Variants in CRTAC1 observed in about 807,000 individuals in gnomAD.
The protein encoded by CRTAC1 is cartilage acidic protein 1, also known as acidic secreted protein in cartilage.
A neutral mutation model predicts 67.8 loss-of-function variants in CRTAC1; 37 were observed. The observed-to-expected ratio is 0.55, with a 90% confidence interval of 0.42 to 0.72. The LOEUF is 0.72. Ranked by LOEUF, CRTAC1 falls within the 30% of genes least tolerant of loss-of-function variation. The probability of loss-of-function intolerance (pLI) is 0.00; values close to 1 mark genes in which losing one functional copy is unlikely to be tolerated. For missense variants in CRTAC1, 780 were observed against 931.6 expected (o/e 0.84, Z 2.12); for synonymous variants, 348 against 371.0 (o/e 0.94, Z 0.71).
chr10:97,920,551 G>T (rs1030886218), intron 4 of CRTAC1, among the ~76,000 whole-genome samples: 2 of 152,108 alleles, frequency 1.3e-5, no homozygotes, highest in Non-Finnish European at 2.9e-5. Flanking sequence ...TGACCAACAG[G>T]TCTGGCGTGA....
chr10:97,875,592 C>T (rs2050138059), intron 14 of CRTAC1, among the ~76,000 whole-genome samples: 2 of 152,184 alleles, frequency 1.3e-5, no homozygotes, highest in South Asian at 4.1e-4. Context: ...GTTCTGGCCT[C>T]AGAGAAGACT....
At chr10:97,925,078 C>T (rs921652816) in intron 3 of CRTAC1, among the ~76,000 whole-genome samples, 24 of 152,214 alleles carry the variant, frequency 1.6e-4, no homozygotes, top group African/African-American at 5.5e-4. Context: ...ACCAGCCAGG[C>T]AACATAGCAA....
At chr10:97,902,867 T>C (rs765205263) in intron 7 of CRTAC1, among the ~76,000 whole-genome samples, 48 of 150,942 alleles carry the variant, frequency 3.2e-4, no homozygotes, top group Non-Finnish European at 5.5e-4. Context: ...AGAGGAGTAA[T>C]GAGGTTGAAT....
chr10:98,014,334 GA>G (rs935310987), intron 1 of CRTAC1, among the ~76,000 whole-genome samples: 1 of 152,144 alleles, frequency 6.6e-6, no homozygotes, highest in Admixed American at 6.5e-5. Flanking sequence ...TAAAATTTGA[GA>G]AACACTGCTC....
intron 14 of CRTAC1, chr10:97,870,718 T>C (rs1337340262): frequency 2.7e-5 from 4 of 149,666 alleles, no homozygotes; most frequent in Non-Finnish European, 5.9e-5. Flanking sequence ...AACAGACAAC[T>C]GCAACTCTAT....
rs1181828262 is a variant in CRTAC1 at position 97,909,848 on chromosome 10, T to C, written c.716-1701A>G. Among the ~76,000 whole-genome samples, 3 of 152,194 alleles carry C rather than the reference T, an allele frequency of 2.0e-5. No individual in the cohort carries two copies. In the East Asian group the frequency reaches 5.8e-4, roughly 29 times the overall value. On this transcript the variant is annotated intron_variant, in intron 5 of 14. Transcript: ENST00000370597. ...ATGAATACATAAAGAAAACGTGATA[T>C]ATATACATAATAGAGTATTACTCAG...
intron 6 of CRTAC1, among the ~76,000 whole-genome samples, chr10:97,905,043 G>C (rs961746657): frequency 2.0e-5 from 3 of 152,026 alleles, no homozygotes; most frequent in African/African-American, 7.3e-5. Context: ...AGCTGTGTTT[G>C]CCCAGCATGC....
At chr10:97,939,453 C>A (rs1358124165) in intron 2 of CRTAC1, among the ~76,000 whole-genome samples, 2 of 152,174 alleles carry the variant, frequency 1.3e-5, no homozygotes, top group Non-Finnish European at 2.9e-5. Flanking sequence ...TCATCTCCCC[C>A]AGTCCCCACT....
At chr10:98,006,032 C>A (rs1195835076) in intron 2 of CRTAC1, among the ~76,000 whole-genome samples, 1 of 152,206 alleles carries the variant, frequency 6.6e-6, no homozygotes, top group East Asian at 1.9e-4. Flanking sequence ...GGATCCAAAT[C>A]ATGATTTAAA....
chr10:97,881,804 A>G (rs2050218564), intron 13 of CRTAC1, among the ~76,000 whole-genome samples: 1 of 151,778 alleles, frequency 6.6e-6, no homozygotes, highest in Non-Finnish European at 1.5e-5. Context: ...CTTTGTTCAG[A>G]CAGTGCCCCC....
chr10:97,991,850 T>C (rs1842465236), intron 2 of CRTAC1, among the ~76,000 whole-genome samples: 1 of 152,248 alleles, frequency 6.6e-6, no homozygotes, highest in South Asian at 2.1e-4. Context: ...TGATTTAGAT[T>C]TTAGATATAC....
At chr10:97,970,938 G>C (rs1215932579) in intron 2 of CRTAC1, among the ~76,000 whole-genome samples, 1 of 152,202 alleles carries the variant, frequency 6.6e-6, no homozygotes. Flanking sequence ...TACATAAAGA[G>C]ACAATTTACA....
chr10:97,888,606 TAGGACTGGAAACC>T (rs2050320286), intron 11 of CRTAC1, among the ~76,000 whole-genome samples: 1 of 152,116 alleles, frequency 6.6e-6, no homozygotes, highest in South Asian at 2.1e-4. Flanking sequence ...GTGTCTGAGC[TAGGACTGGAAACC>T]AGTCTCCTGT....
chr10:98,004,720 AG>A (rs1842751225), intron 2 of CRTAC1, among the ~76,000 whole-genome samples: 1 of 152,192 alleles, frequency 6.6e-6, no homozygotes, highest in South Asian at 2.1e-4. Context: ...TTAAAAAAAA[AG>A]CTACATCTAT....
intron 2 of CRTAC1, among the ~76,000 whole-genome samples, chr10:97,958,640 C>T (rs976675084): frequency 2.0e-5 from 3 of 152,050 alleles, no homozygotes; most frequent in Non-Finnish European, 2.9e-5. Context: ...TGGTTTTGTA[C>T]TTTTTAGGGG....
At chr10:97,884,441 TAAAA>T in intron 11 of CRTAC1, 90 bp from the exon 12 acceptor site, 1 of 1,236,146 alleles carries the variant, frequency 8.1e-7, no homozygotes, top group Non-Finnish European at 1.1e-6. Context: ...ATCCATTGAA[TAAAA>T]GCATGAATTG....
chr10:97,947,284 C>G (rs1564907220), intron 2 of CRTAC1, among the ~76,000 whole-genome samples: 1 of 152,184 alleles, frequency 6.6e-6, no homozygotes, highest in Non-Finnish European at 1.5e-5. Context: ...CTCAGAGTCT[C>G]CAGCCTAGTA....
chr10:97,985,964 A>G (rs1256328185), intron 2 of CRTAC1, among the ~76,000 whole-genome samples: 1 of 152,150 alleles, frequency 6.6e-6, no homozygotes, highest in African/African-American at 2.4e-5. Flanking sequence ...AGGATCTTTG[A>G]GAAGTTATTC....
At chr10:97,877,980 C>T (rs2050166769) in intron 14 of CRTAC1, among the ~76,000 whole-genome samples, 1 of 152,236 alleles carries the variant, frequency 6.6e-6, no homozygotes, top group African/African-American at 2.4e-5. Context: ...GCATTTGGAA[C>T]CATTCCTCCA....
Sources: gnomAD v4.1 joint callset for allele counts (sites outside exome capture counted in the v4.1 genomes callset) on GRCh38, gnomAD v4.1.1 for gene constraint, MANE v1.5 for transcripts, NCBI Gene and HGNC (gene_info 2026-07-23, HGNC 2026-07-21) for gene names.